The following CDK6 variants were observed in gnomAD, a reference collection of about 807,000 sequenced individuals.
The protein encoded by CDK6 is cyclin-dependent kinase 6.
Under a neutral mutation model 37.1 loss-of-function variants are expected in CDK6, and 6 were observed. The observed-to-expected ratio is 0.16, with a 90% CI of 0.09 to 0.32. CDK6 has a LOEUF of 0.32. Among genes scored for constraint, CDK6 ranks in the 10% least tolerant of loss-of-function variants. The pLI, the probability that CDK6 is intolerant of heterozygous loss-of-function variation, is 1.00. For synonymous variants in CDK6, 160 were observed against 161.3 expected (o/e 0.99, Z 0.06); for missense variants, 224 against 418.9 (o/e 0.53, Z 4.06).
rs922883680 is a variant in CDK6 at position 92,606,522 on chromosome 7, T to C, written c.*8618A>G. ...CAGAGATGTAGAGGTGTGGGGATGT[T>C]GGTCATCTTGGGCTGGTTCACACAG... On this transcript the variant is annotated 3_prime_UTR_variant, in exon 8 of 8. Transcript: ENST00000424848. The C allele has an allele frequency of 4.3e-6, 1 of 233,214 alleles. No homozygotes were observed. The highest frequency in any genetic ancestry group is 6.0e-5 in the East Asian group (1 of 16,604). 14.4% of individuals were successfully genotyped at this position (233,214 alleles called of 1,614,324 possible).
intron 2 of CDK6, among the ~76,000 whole-genome samples, chr7:92,798,689 C>T (rs1800482997): frequency 6.6e-6 from 1 of 152,206 alleles, no homozygotes; most frequent in African/African-American, 2.4e-5. Flanking sequence ...AAGTCTTCCA[C>T]AGGCTTGGGT....
intron 5 of CDK6, among the ~76,000 whole-genome samples, chr7:92,670,445 C>T (rs1797048189): frequency 6.6e-6 from 1 of 152,086 alleles, no homozygotes; most frequent in Non-Finnish European, 1.5e-5. Context: ...CATGGAGCTA[C>T]ATTTTAAAGA....
intron 2 of CDK6, among the ~76,000 whole-genome samples, chr7:92,812,047 G>A (rs1366413757): frequency 1.3e-5 from 2 of 152,184 alleles, no homozygotes; most frequent in Non-Finnish European, 2.9e-5. Context: ...GCTGAGGCAG[G>A]AGAATCGCTT....
At chr7:92,705,203 T>C (rs966579829) in intron 4 of CDK6, among the ~76,000 whole-genome samples, 64 of 152,202 alleles carry the variant, frequency 4.2e-4, no homozygotes, top group African/African-American at 1.5e-3. Flanking sequence ...TTCTTGGTAG[T>C]GGTAAACTCT....
At chr7:92,728,463 T>C (rs936874598) in intron 3 of CDK6, among the ~76,000 whole-genome samples, 3 of 152,222 alleles carry the variant, frequency 2.0e-5, no homozygotes, top group Non-Finnish European at 4.4e-5. Flanking sequence ...TTCTGCAATA[T>C]GACTTTTTTT....
Position 92,605,883 on chromosome 7 carries a change from T to G in CDK6, c.*9257A>C. The G allele has an allele frequency of 4.3e-6, 1 of 233,646 alleles. No homozygotes were observed. 14.5% of individuals were successfully genotyped at this position (233,646 alleles called of 1,614,324 possible). A position where few individuals can be genotyped will look rare whatever the true frequency, so the allele number is the denominator to read the frequency against. The stretch of plus-strand genomic sequence containing the variant: ...GGCCACTGTGGTAACTCTCAATCTG[T>G]GTACAGAGAAAAGAGAAGCAACATC... On this transcript the variant is annotated 3_prime_UTR_variant, in exon 8 of 8. Transcript: ENST00000424848.
At chr7:92,711,392 T>C (rs1211205138) in intron 4 of CDK6, among the ~76,000 whole-genome samples, 1 of 151,986 alleles carries the variant, frequency 6.6e-6, no homozygotes, top group Non-Finnish European at 1.5e-5. Context: ...TATAGGCACA[T>C]CCACATCCAC....
intron 3 of CDK6, among the ~76,000 whole-genome samples, chr7:92,761,246 TTTG>T (rs1457387566): frequency 6.6e-6 from 1 of 152,142 alleles, no homozygotes; most frequent in African/African-American, 2.4e-5. Flanking sequence ...CTGAAAAATA[TTTG>T]TTTACATATT....
At chr7:92,664,361 C>G (rs1796909827) in intron 5 of CDK6, among the ~76,000 whole-genome samples, 1 of 152,166 alleles carries the variant, frequency 6.6e-6, no homozygotes, top group African/African-American at 2.4e-5. Flanking sequence ...GTGTTCAGGT[C>G]AGCTTGTGAA....
chr7:92,819,746 G>GT (rs1801123405), intron 2 of CDK6, among the ~76,000 whole-genome samples: 2 of 152,098 alleles, frequency 1.3e-5, no homozygotes, highest in Admixed American at 1.3e-4. Context: ...AAACCAACAA[G>GT]TGGAGAACAA....
intron 4 of CDK6, among the ~76,000 whole-genome samples, chr7:92,675,799 AT>A (rs1445525587): frequency 6.6e-6 from 1 of 152,120 alleles, no homozygotes; most frequent in Non-Finnish European, 1.5e-5. Context: ...TTAGAAGCCA[AT>A]TTTCGTAATG....
intron 5 of CDK6, chr7:92,671,125 C>T (rs752531994): frequency 9.7e-6 from 2 of 207,192 alleles, no homozygotes; most frequent in African/African-American, 2.3e-5. Flanking sequence ...TAAAAAAATG[C>T]GAAAATATGT....
intron 3 of CDK6, among the ~76,000 whole-genome samples, chr7:92,734,329 C>A (rs917225981): frequency 1.3e-5 from 2 of 152,158 alleles, no homozygotes; most frequent in African/African-American, 4.8e-5. Context: ...TCAAATCCAT[C>A]TTGTACTCTC....
At position 92,612,494 on chromosome 7, in the gene CDK6, AAG is replaced by A. The variant is rs1348765208; in HGVS notation, c.*2644_*2645del. 3 of 233,212 alleles carry A rather than the reference AAG, an allele frequency of 1.3e-5. No individual in the cohort carries two copies. The Admixed American group carries it at 1.7e-4, about 13-fold the overall frequency. The allele number at this position is 233,212 out of a possible 1,614,324, so 14.4% of individuals were successfully genotyped here. Reference sequence around the variant, plus strand: ...AATCTGGACATAAAATACATAAATCAAGAGAGTATTCACTCAAATGCAACAAC... The same window carrying A: ...AATCTGGACATAAAATACATAAATCAAGAGTATTCACTCAAATGCAACAAC... On this transcript the variant is annotated 3_prime_UTR_variant, in exon 8 of 8. Coordinates refer to ENST00000424848, the MANE Select transcript of CDK6 (RefSeq NM_001145306.2).
intron 3 of CDK6, among the ~76,000 whole-genome samples, chr7:92,767,578 T>C (rs1799613764): frequency 6.6e-6 from 1 of 152,146 alleles, no homozygotes; most frequent in Non-Finnish European, 1.5e-5. Context: ...ATATACTCAG[T>C]ATTGACTCAC....
intron 2 of CDK6, among the ~76,000 whole-genome samples, chr7:92,800,308 T>C (rs918842669): frequency 1.3e-5 from 2 of 152,212 alleles, no homozygotes; most frequent in Admixed American, 1.3e-4. Context: ...CACACTGTGG[T>C]TAACTCAGCA....
chr7:92,778,946 T>TATATATATATATATATATATATATATAG (rs1479181745), intron 2 of CDK6, among the ~76,000 whole-genome samples: 1 of 135,012 alleles, frequency 7.4e-6, no homozygotes. Context: ...TATATATATA[T>TATATATATATATATATATATATATATAG]AAGATATTAT....
chr7:92,736,214 T>TTA (rs1798783899), intron 3 of CDK6, among the ~76,000 whole-genome samples: 2 of 152,040 alleles, frequency 1.3e-5, no homozygotes, highest in African/African-American at 4.8e-5. Flanking sequence ...TGTATTATGG[T>TTA]TATATATATG....
At chr7:92,788,658 A>G (rs1272249672) in intron 2 of CDK6, among the ~76,000 whole-genome samples, 1 of 152,230 alleles carries the variant, frequency 6.6e-6, no homozygotes, top group East Asian at 1.9e-4. Context: ...AAGATCCACA[A>G]TGAGGCACAT....
Sources: allele counts gnomAD v4.1 joint callset (sites outside exome capture counted in the v4.1 genomes callset), GRCh38; gene constraint gnomAD v4.1.1; transcripts MANE v1.5; gene names NCBI Gene and HGNC (gene_info 2026-07-23, HGNC 2026-07-21).